Variants in KIT observed in about 807,000 individuals in gnomAD.
The protein encoded by KIT is mast/stem cell growth factor receptor Kit.
KIT carries 16 observed loss-of-function variants against 105.7 expected under a neutral mutation model. The ratio of observed to expected loss-of-function variants is 0.15; its 90% CI spans 0.10 to 0.23. KIT has a LOEUF of 0.23. Ranked by LOEUF, KIT falls within the 10% of genes least tolerant of loss-of-function variation. The pLI is 1.00. For missense variants in KIT, 858 were observed against 1,213.8 expected (o/e 0.71, Z 4.36); for synonymous variants, 438 against 441.1 (o/e 0.99, Z 0.09).
intron 11 of KIT, 46 bp downstream of exon 11, chr4:54,727,588 A>G (rs369116250): frequency 1.2e-6 from 2 of 1,612,836 alleles, no homozygotes; most frequent in Non-Finnish European, 8.5e-7. Context: ...TTGGGTACAC[A>G]TAACAGTGAC....
At chr4:54,666,405 G>A (rs373892299) in intron 1 of KIT, among the ~76,000 whole-genome samples, 10 of 152,100 alleles carry the variant, frequency 6.6e-5, no homozygotes, top group South Asian at 2.1e-4. Context: ...TCAGCCTCCC[G>A]AGTAGCTGGG....
intron 1 of KIT, among the ~76,000 whole-genome samples, chr4:54,668,540 G>T (rs1010590079): frequency 6.6e-6 from 1 of 152,188 alleles, no homozygotes; most frequent in Non-Finnish European, 1.5e-5. Flanking sequence ...GCCTATGCGG[G>T]TTCTTAAGCA....
chr4:54,664,231 C>T (rs1293136987), intron 1 of KIT, among the ~76,000 whole-genome samples: 1 of 152,106 alleles, frequency 6.6e-6, no homozygotes, highest in African/African-American at 2.4e-5. Flanking sequence ...GATCTTACTT[C>T]AGGATTATCA....
At chr4:54,705,086 A>G (rs1364787340) in intron 5 of KIT, among the ~76,000 whole-genome samples, 1 of 152,248 alleles carries the variant, frequency 6.6e-6, no homozygotes, top group Non-Finnish European at 1.5e-5. Flanking sequence ...TGCTTTTAAA[A>G]TATTAAACTC....
chr4:54,671,246 A>T (rs1718089637), intron 1 of KIT, among the ~76,000 whole-genome samples: 2 of 152,210 alleles, frequency 1.3e-5, no homozygotes, highest in Non-Finnish European at 2.9e-5. Flanking sequence ...AGGATGGGAA[A>T]GTTCCTTCTC....
chr4:54,735,061 A>T (rs1295777387), intron 17 of KIT, among the ~76,000 whole-genome samples: 1 of 152,220 alleles, frequency 6.6e-6, no homozygotes, highest in South Asian at 2.1e-4. Context: ...TGAGATACCT[A>T]TAAAGACTTA....
intron 1 of KIT, among the ~76,000 whole-genome samples, chr4:54,663,956 A>G (rs1717489167): frequency 6.6e-6 from 1 of 152,194 alleles, no homozygotes; most frequent in African/African-American, 2.4e-5. Flanking sequence ...CCTACGTTAC[A>G]GGCTGGGGGT....
intron 1 of KIT, among the ~76,000 whole-genome samples, chr4:54,681,831 G>A (rs1324879361): frequency 2.0e-5 from 3 of 151,982 alleles, no homozygotes; most frequent in African/African-American, 7.2e-5. Context: ...CCTGAGGCCA[G>A]GAGTTCGAGA....
intron 4 of KIT, among the ~76,000 whole-genome samples, chr4:54,702,100 T>G (rs547021336): frequency 5.9e-5 from 9 of 152,310 alleles, no homozygotes; most frequent in African/African-American, 2.2e-4. Flanking sequence ...TTTGAAACAT[T>G]CAGCTTCAGC....
chr4:54,681,380 A>G (rs1286055801), intron 1 of KIT, among the ~76,000 whole-genome samples: 1 of 152,134 alleles, frequency 6.6e-6, no homozygotes, highest in African/African-American at 2.4e-5. Context: ...GGATCCCAGT[A>G]TATTTTGCTT....
At chr4:54,692,270 C>T (rs1200635434) in intron 1 of KIT, among the ~76,000 whole-genome samples, 5 of 152,316 alleles carry the variant, frequency 3.3e-5, no homozygotes, top group Admixed American at 2.6e-4. Context: ...TCTATGATAG[C>T]ATGTATTAAA....
Position 54,707,300 on chromosome 4 carries a change from C to G in KIT, c.1115+13C>G, listed in dbSNP as rs769299263. 5.7e-6 allele frequency: 9 copies of G among 1,581,486 alleles called. No individual in the cohort carries two copies. The South Asian group carries it at 1.0e-4, about 18-fold the overall frequency. On this transcript the variant is annotated intron_variant, in intron 6 of 20. Transcript: ENST00000288135. Reference sequence around the variant, plus strand: ...AAAGTAATATCAGGTAAGAAATGGACCTTGCCCTGGGGGATTACACATTAC... The same window carrying G: ...AAAGTAATATCAGGTAAGAAATGGAGCTTGCCCTGGGGGATTACACATTAC...
At chr4:54,714,706 GGCGGT>G (rs1721357024) in intron 7 of KIT, among the ~76,000 whole-genome samples, 1 of 152,090 alleles carries the variant, frequency 6.6e-6, no homozygotes, top group Admixed American at 6.6e-5. Flanking sequence ...GCATTTCCAG[GGCGGT>G]ATTATGCATT....
chr4:54,723,468 C>A, intron 7 of KIT, 116 bp from the exon 8 acceptor site: 1 of 731,806 alleles, frequency 1.4e-6, no homozygotes, highest in Non-Finnish European at 2.5e-6. Context: ...TTTGAACTTG[C>A]TCCCTCAGGC....
intron 1 of KIT, among the ~76,000 whole-genome samples, chr4:54,686,570 G>C (rs879753760): frequency 1.3e-5 from 2 of 151,972 alleles, no homozygotes; most frequent in Non-Finnish European, 2.9e-5. Context: ...CTTGAAATGG[G>C]GCCTTACTCC....
intron 7 of KIT, among the ~76,000 whole-genome samples, chr4:54,714,627 C>T (rs1240810699): frequency 6.6e-6 from 1 of 152,080 alleles, no homozygotes; most frequent in Non-Finnish European, 1.5e-5. Flanking sequence ...AGTTGTTTTT[C>T]AAACCTTTGG....
intron 7 of KIT, among the ~76,000 whole-genome samples, chr4:54,713,659 T>A (rs888658714): frequency 6.6e-6 from 1 of 152,252 alleles, no homozygotes; most frequent in African/African-American, 2.4e-5. Flanking sequence ...TTGAAAATCC[T>A]TGATTTGGCA....
At chr4:54,677,773 C>G (rs1718588207) in intron 1 of KIT, among the ~76,000 whole-genome samples, 1 of 152,192 alleles carries the variant, frequency 6.6e-6, no homozygotes, top group Non-Finnish European at 1.5e-5. Context: ...TCAGAAGCAA[C>G]AGCTGTGCAA....
At position 54,737,309 on chromosome 4, in the gene KIT, C is replaced by T. The variant is rs1458612609; in HGVS notation, c.2802+29C>T. The T allele has an allele frequency of 5.0e-6, 7 of 1,404,012 alleles. No homozygotes were observed. In the Admixed American group the frequency reaches 8.4e-5, roughly 17 times the overall value. 87.0% of individuals were successfully genotyped at this position (1,404,012 alleles called of 1,614,324 possible). On this transcript the variant is annotated intron_variant, in intron 20 of 20. Coordinates refer to ENST00000288135, the MANE Select transcript of KIT (RefSeq NM_000222.3). ...AGTATACCCTGGCCAGGCATAGAAT[C>T]CCCCTTCTCCCAGTTCCAGGTGTGT...
Sources: gnomAD v4.1 joint callset for allele counts (sites outside exome capture counted in the v4.1 genomes callset) on GRCh38, gnomAD v4.1.1 for gene constraint, MANE v1.5 for transcripts, NCBI Gene and HGNC (gene_info 2026-07-23, HGNC 2026-07-21) for gene names.